RPL26L1: variants seen among roughly 807,000 people sequenced by gnomAD.
The protein encoded by RPL26L1 is ribosomal protein uL24-like.
Under a neutral mutation model 15.2 loss-of-function variants are expected in RPL26L1, and 8 were observed. That is an observed-to-expected ratio of 0.53 (90% CI 0.31 to 0.95). The LOEUF (loss-of-function observed/expected upper bound fraction) is 0.95. RPL26L1 is among the 40% of genes least tolerant of loss of function. The probability of loss-of-function intolerance (pLI) is 0.05; values close to 1 mark genes in which losing one functional copy is unlikely to be tolerated. For synonymous variants in RPL26L1, 51 were observed against 65.9 expected, an observed-to-expected ratio of 0.77 and a Z score of 1.09; for missense variants, 146 against 190.9, an observed-to-expected ratio of 0.76 and a Z score of 1.39.
upstream of RPL26L1, chr5:172,954,774 A>G (rs1764318690): frequency 2.7e-6 from 1 of 376,686 alleles, no homozygotes; most frequent in Non-Finnish European, 5.3e-6. Flanking sequence ...TTACGTTGGC[A>G]TACAACATTT....
At chr5:172,954,987 C>G, upstream of RPL26L1, 1 of 456,114 alleles carries the variant, frequency 2.2e-6, no homozygotes. Flanking sequence ...GAAGAGGCGT[C>G]TCTGGAGACG....
At chr5:172,959,586 C>A (rs1355051938) in intron 1 of RPL26L1, 118 bp downstream of exon 1, 4 of 1,216,570 alleles carry the variant, frequency 3.3e-6, no homozygotes, top group Non-Finnish European at 4.2e-6. Context: ...CTCCCGACCA[C>A]CCATTCCTGC....
chr5:172,959,348 T>C (rs1755122905), upstream of RPL26L1: 1 of 1,001,668 alleles, frequency 1.0e-6, no homozygotes, highest in South Asian at 4.1e-5. Context: ...CCCAAGCCGC[T>C]GGGGGCGCCA....
At chr5:172,958,450 T>C (rs1471659354), upstream of RPL26L1, 8 of 456,096 alleles carry the variant, frequency 1.8e-5, no homozygotes, top group Admixed American at 1.9e-4. Flanking sequence ...TAAGTTGTCG[T>C]TCAACATATA....
upstream of RPL26L1, among the ~76,000 whole-genome samples, chr5:172,954,487 G>A (rs1034573473): frequency 4.0e-5 from 6 of 151,476 alleles, no homozygotes; most frequent in Non-Finnish European, 7.4e-5. Flanking sequence ...GGGCGGCGGG[G>A]GGGAAGTGGG....
At chr5:172,958,447 T>A, upstream of RPL26L1, 1 of 456,222 alleles carries the variant, frequency 2.2e-6, no homozygotes, top group Non-Finnish European at 4.4e-6. Context: ...CACTAAGTTG[T>A]CGTTCAACAT....
rs1286968290 is a variant in RPL26L1, at chr5:172,968,463, T to A, written c.173T>A (p.Val58Asp). The change falls in exon 3 of 4, where the codon GTT becomes GAT. Residue 58 changes from valine (V) to aspartate (D), a missense_variant. Physicochemically the swap from Val to Asp is radical, Grantham distance 152 (BLOSUM62 -3). Transcript: ENST00000265100. The part of the protein sequence containing the change: ...PIRKDDEVQV[V>D]RGHYKGQQIG... ...CTCTTTTGTATTTTCTCTTAGGTAG[T>A]TCGAGGACACTACAAAGGTCAGCAA... 12 of 1,613,616 alleles carry A rather than the reference T, an allele frequency of 7.4e-6. No individual in the cohort carries two copies. The Admixed American group carries it at 1.5e-4, about 20-fold the overall frequency.
chr5:172,959,656 C>G, intron 1 of RPL26L1, 188 bp downstream of exon 1: 1 of 1,180,704 alleles, frequency 8.5e-7, no homozygotes, highest in Non-Finnish European at 1.1e-6. Context: ...CCCCCACGAC[C>G]CCTTTAGACG....
chr5:172,963,118 C>G (rs1755306690), intron 2 of RPL26L1, among the ~76,000 whole-genome samples: 1 of 152,052 alleles, frequency 6.6e-6, no homozygotes, highest in Non-Finnish European at 1.5e-5. Context: ...TGGCTCACGC[C>G]TGTAATCCCG....
At chr5:172,962,726 G>T (rs981748347) in intron 2 of RPL26L1, among the ~76,000 whole-genome samples, 3 of 136,108 alleles carry the variant, frequency 2.2e-5, no homozygotes, top group Admixed American at 7.8e-5. Flanking sequence ...TGAGGCAGGA[G>T]AATGGCGTGA....
chr5:172,955,521 T>G (rs553889313), upstream of RPL26L1: 1 of 154,662 alleles, frequency 6.5e-6, no homozygotes, highest in South Asian at 2.0e-4. Flanking sequence ...AATCCCTTCT[T>G]AAGAAACTGG....
chr5:172,969,212 AGCC>A (rs1320986166), intron 3 of RPL26L1, among the ~76,000 whole-genome samples, 198 bp from the exon 4 acceptor site: 1 of 152,150 alleles, frequency 6.6e-6, no homozygotes, highest in Non-Finnish European at 1.5e-5. Flanking sequence ...ATCTTCCTGT[AGCC>A]CTCATGCCTA....
chr5:172,958,757 A>C, upstream of RPL26L1: 1 of 220,560 alleles, frequency 4.5e-6, no homozygotes, highest in Non-Finnish European at 9.4e-6. Context: ...CTCGGGAGCG[A>C]CCCGGCGGGG....
chr5:172,968,453 T>A lies in RPL26L1; in HGVS notation c.169-6T>A, dbSNP rs1755553686. 1 of 1,610,190 alleles carries A rather than the reference T, an allele frequency of 6.2e-7. No individual in the cohort carries two copies. Among genetic ancestry groups the A allele is most frequent in the African/African-American group, 1.3e-5 (1 of 74,696 alleles). On this transcript the variant is annotated splice_polypyrimidine_tract_variant and splice_region_variant and intron_variant, in intron 2 of 3. Coordinates refer to ENST00000265100, the MANE Select transcript of RPL26L1 (RefSeq NM_016093.4). The stretch of plus-strand genomic sequence containing the variant: ...GAGGGGGATTCTCTTTTGTATTTTC[T>A]CTTAGGTAGTTCGAGGACACTACAA...
chr5:172,965,666 G>C (rs979870101), intron 2 of RPL26L1, among the ~76,000 whole-genome samples: 1 of 152,174 alleles, frequency 6.6e-6, no homozygotes, highest in African/African-American at 2.4e-5. Flanking sequence ...CACCACACTT[G>C]CATGATTTCC....
rs541351540 is a variant in RPL26L1, at chr5:172,962,955, T to G, written c.168+2914T>G. The stretch of plus-strand genomic sequence containing the variant: ...TGTGTTCATTGCTATGAAGAAAATA[T>G]AAAGGATGCTATGATATTGATTAAA... On this transcript the variant is annotated intron_variant, in intron 2 of 3. Coordinates refer to ENST00000265100, the MANE Select transcript of RPL26L1 (RefSeq NM_016093.4). 2.0e-5 allele frequency among the ~76,000 whole-genome samples: 3 copies of G among 151,918 alleles called. No homozygotes were observed. In the South Asian group the frequency reaches 6.2e-4, roughly 32 times the overall value.
intron 3 of RPL26L1, 30 bp from the exon 4 acceptor site, chr5:172,969,383 A>T (rs776083504): frequency 1.2e-6 from 2 of 1,609,306 alleles, no homozygotes; most frequent in South Asian, 2.2e-5. Flanking sequence ...GGGATGCAGA[A>T]ATAAAGACCT....
upstream of RPL26L1, chr5:172,955,129 G>GTT (rs58150544): frequency 0.011 from 2,464 of 226,184 alleles, no homozygotes; most frequent in Middle Eastern, 0.021. Context: ...GCTGTGGTTA[G>GTT]TTTTTTTTTT....
rs548297117 is a variant in RPL26L1 at position 172,967,944 on chromosome 5, C to T, written c.169-515C>T. Among the ~76,000 whole-genome samples the T allele has an allele frequency of 3.3e-5, 5 of 151,282 alleles. No individual in the cohort carries two copies. In the South Asian group the frequency reaches 8.3e-4, roughly 25 times the overall value. ...ATATGTAATATATATTATATATATA[C>T]ACACACACATACACTCATATAGTTT... On this transcript the variant is annotated intron_variant, in intron 2 of 3. Coordinates refer to ENST00000265100, the MANE Select transcript of RPL26L1 (RefSeq NM_016093.4).
Sources: gnomAD v4.1 joint callset for allele counts (sites outside exome capture counted in the v4.1 genomes callset) on GRCh38, gnomAD v4.1.1 for gene constraint, MANE v1.5 for transcripts, NCBI Gene and HGNC (gene_info 2026-07-23, HGNC 2026-07-21) for gene names.